LRP11: variants seen among roughly 807,000 people sequenced by gnomAD.
The protein encoded by LRP11 is LDL receptor related protein 11, also known as low-density lipoprotein receptor-related protein 11.
Under a neutral mutation model 43.1 loss-of-function variants are expected in LRP11, and 25 were observed. That is an observed-to-expected ratio of 0.58 (90% CI 0.42 to 0.81). The LOEUF is 0.81. Among genes scored for constraint, LRP11 ranks in the 30% least tolerant of loss-of-function variants. The pLI, the probability that LRP11 is intolerant of heterozygous loss-of-function variation, is 0.00. For missense variants in LRP11, 623 were observed against 665.1 expected (o/e 0.94, Z 0.70); for synonymous variants, 316 against 299.4 (o/e 1.06, Z -0.57).
chr6:149,852,939 G>C (rs1004862360), intron 2 of LRP11, 64 bp downstream of exon 2: 1 of 1,405,426 alleles, frequency 7.1e-7, no homozygotes, highest in Non-Finnish European at 9.6e-7. Flanking sequence ...TGAAGTGGCA[G>C]GACATTACAA....
intron 6 of LRP11, among the ~76,000 whole-genome samples, chr6:149,824,676 A>T (rs771554360): frequency 1.2e-4 from 19 of 152,188 alleles, no homozygotes; most frequent in Non-Finnish European, 2.6e-4. Flanking sequence ...CCTGGCCAAC[A>T]TGGCAAAACC....
At chr6:149,860,062 G>C (rs1776868237) in intron 1 of LRP11, among the ~76,000 whole-genome samples, 1 of 152,156 alleles carries the variant, frequency 6.6e-6, no homozygotes, top group South Asian at 2.1e-4. Context: ...ATAAGAATGT[G>C]AGAAAGTAAG....
At chr6:149,833,962 A>G (rs1776440208) in intron 5 of LRP11, among the ~76,000 whole-genome samples, 2 of 152,096 alleles carry the variant, frequency 1.3e-5, no homozygotes, top group Non-Finnish European at 2.9e-5. Flanking sequence ...TGCACAGATC[A>G]TCCCATCCCT....
chr6:149,861,682 TTTTGTG>T (rs1776900395), intron 1 of LRP11, among the ~76,000 whole-genome samples: 1 of 151,940 alleles, frequency 6.6e-6, no homozygotes, highest in Admixed American at 6.5e-5. Context: ...CCAGGATAAT[TTTTGTG>T]TTTATTTCTT....
At chr6:149,846,061 C>CT (rs1181143824) in intron 2 of LRP11, among the ~76,000 whole-genome samples, 1 of 152,192 alleles carries the variant, frequency 6.6e-6, no homozygotes, top group African/African-American at 2.4e-5. Context: ...CCAGGGTCTG[C>CT]TGTCTCCTTT....
At chr6:149,852,882 A>G (rs1481184966) in intron 2 of LRP11, 121 bp downstream of exon 2, 1 of 839,958 alleles carries the variant, frequency 1.2e-6, no homozygotes, top group Non-Finnish European at 1.8e-6. Flanking sequence ...AGTTTTATAC[A>G]GTCTCCATTT....
In LRP11 at chr6:149,843,049, T is replaced by C. The variant is rs748531447; in HGVS notation, c.847A>G (p.Thr283Ala). The change falls in exon 3 of 7, where the codon ACT becomes GCT. Residue 283 changes from threonine to alanine, a missense_variant. Coordinates refer to ENST00000239367, the MANE Select transcript of LRP11 (RefSeq NM_032832.6). ...TYTFQLTVTD[T>A]AGQRSSDNVS... ...TTGTCAGAGCTTCTCTGCCCGGCAG[T>C]GTCCGTCACGGTCAGCTGGAAGGTG... 6.2e-7 allele frequency: 1 copy of C among 1,614,204 alleles called. No individual in the cohort carries two copies.
chr6:149,848,574 T>C (rs1234159008), intron 2 of LRP11, among the ~76,000 whole-genome samples: 1 of 152,186 alleles, frequency 6.6e-6, no homozygotes, highest in African/African-American at 2.4e-5. Context: ...ATCATGTCCT[T>C]TGTAGGAACA....
At chr6:149,828,021 CAAAA>C (rs565973934) in intron 5 of LRP11, among the ~76,000 whole-genome samples, 1 of 79,322 alleles carries the variant, frequency 1.3e-5, no homozygotes, top group East Asian at 3.6e-4. Context: ...GACTCCGTCT[CAAAA>C]AAAAAAAAAA....
chr6:149,862,112 A>G (rs1776912053), intron 1 of LRP11, among the ~76,000 whole-genome samples: 1 of 152,188 alleles, frequency 6.6e-6, no homozygotes, highest in South Asian at 2.1e-4. Context: ...AAGGAAAGCT[A>G]TGGAGTCCTT....
chr6:149,821,227 C>T (rs1776274729), intron 6 of LRP11, among the ~76,000 whole-genome samples: 1 of 152,126 alleles, frequency 6.6e-6, no homozygotes, highest in Non-Finnish European at 1.5e-5. Flanking sequence ...CCGTGCCCGG[C>T]CAACACAGAC....
Position 149,820,653 on chromosome 6 carries a change from G to A in LRP11, c.1399C>T (p.Leu467Phe). 1.3e-6 allele frequency: 1 copy of A among 781,064 alleles called. No homozygotes were observed. Among genetic ancestry groups the A allele is most frequent in the South Asian group, 1.3e-5 (1 of 74,628 alleles). The allele number at this position is 781,064 out of a possible 1,614,324, so 48.4% of individuals were successfully genotyped here. Residue 467 changes from leucine (L) to phenylalanine (F), a missense_variant, in exon 7 of 7, where the codon CTC (leucine) becomes TTC (phenylalanine). By Grantham distance (22) the Leu-to-Phe change is conservative. Coordinates refer to ENST00000239367, the MANE Select transcript of LRP11 (RefSeq NM_032832.6). Reference protein sequence around the residue: ...LGLAITALLLLMVACRLRLVK... With the variant: ...LGLAITALLLFMVACRLRLVK... ...AGTCGTAGTCGGCATGCAACCATGA[G>A]AAGCAGCAGAGCAGTGATAGCCAAA... is the stretch of plus-strand genomic sequence containing the variant.
At chr6:149,861,407 C>A (rs563266914) in intron 1 of LRP11, among the ~76,000 whole-genome samples, 16 of 152,164 alleles carry the variant, frequency 1.1e-4, no homozygotes, top group Non-Finnish European at 2.2e-4. Flanking sequence ...CTATTTTCAT[C>A]CCAAACATCT....
At chr6:149,834,834 T>A (rs1037306711) in intron 5 of LRP11, among the ~76,000 whole-genome samples, 31 of 152,324 alleles carry the variant, frequency 2.0e-4, no homozygotes, top group African/African-American at 7.5e-4. Context: ...TGGAGGCACT[T>A]AAAATCTACA....
intron 1 of LRP11, among the ~76,000 whole-genome samples, chr6:149,859,582 G>C (rs1776860555): frequency 6.6e-6 from 1 of 151,268 alleles, no homozygotes; most frequent in Non-Finnish European, 1.5e-5. Flanking sequence ...TTTTAGTACA[G>C]ATGGAGTTTC....
chr6:149,859,909 T>TA (rs1026766520), intron 1 of LRP11, among the ~76,000 whole-genome samples: 54 of 152,210 alleles, frequency 3.5e-4, no homozygotes, highest in African/African-American at 1.3e-3. Context: ...TGGCTTAATT[T>TA]AAAAAAAATT....
chr6:149,822,325 G>A (rs555770154), intron 6 of LRP11, among the ~76,000 whole-genome samples: 1 of 151,576 alleles, frequency 6.6e-6, no homozygotes, highest in Non-Finnish European at 1.5e-5. Context: ...GGGTGACAGT[G>A]TAAGGGCCTA....
intron 2 of LRP11, among the ~76,000 whole-genome samples, chr6:149,849,401 A>G (rs774861252): frequency 6.6e-6 from 1 of 152,254 alleles, no homozygotes; most frequent in Non-Finnish European, 1.5e-5. Flanking sequence ...CATAAAATAT[A>G]TAACTTTAAA....
intron 1 of LRP11, among the ~76,000 whole-genome samples, chr6:149,860,517 G>A (rs1011881191): frequency 4.6e-5 from 7 of 151,770 alleles, no homozygotes; most frequent in Non-Finnish European, 7.4e-5. Flanking sequence ...ATGTACATGC[G>A]TGCCACCTTC....
Sources: gnomAD v4.1 joint callset for allele counts (sites outside exome capture counted in the v4.1 genomes callset) on GRCh38, gnomAD v4.1.1 for gene constraint, MANE v1.5 for transcripts, NCBI Gene and HGNC (gene_info 2026-07-23, HGNC 2026-07-21) for gene names.